Variants in PRDM13 observed in about 807,000 individuals in gnomAD.
The protein encoded by PRDM13 is PR/SET domain 13.
PRDM13 carries 15 observed loss-of-function variants against 36.4 expected under a neutral mutation model. That is an observed-to-expected ratio of 0.41 (90% CI 0.28 to 0.64). The LOEUF is 0.64. PRDM13 is among the 30% of genes least tolerant of loss of function. The pLI, the probability that PRDM13 is intolerant of heterozygous loss-of-function variation, is 0.29. For missense variants in PRDM13, 1,044 were observed against 1,013.5 expected (o/e 1.03, Z -0.41); for synonymous variants, 531 against 467.7 (o/e 1.14, Z -1.75).
chr6:99,613,825 A>G lies in PRDM13; in HGVS notation c.1190A>G (p.Glu397Gly). Reference sequence around the variant, plus strand: ...TTCCCTCTGCTCTCCGTCCCCCCGGAAGAGGCGTCCGCCTTCAAGCACGTG... The same window carrying G: ...TTCCCTCTGCTCTCCGTCCCCCCGGGAGAGGCGTCCGCCTTCAAGCACGTG... ...RGFPLLSVPP[E>G]EASAFKHVER... Residue 397 changes from glutamate (E) to glycine (G), a missense_variant, in exon 4 of 4, where the codon GAA (glutamate) becomes GGA (glycine). Transcript: ENST00000369215. The surrounding 1 kb of genome is among the most constrained non-coding windows in gnomAD (Gnocchi z 6.1). The G allele has an allele frequency of 6.6e-7, 1 of 1,511,196 alleles. No individual in the cohort carries two copies. Among genetic ancestry groups the G allele is most frequent in the Admixed American group, 2.1e-5 (1 of 48,248 alleles). 93.6% of individuals were successfully genotyped at this position (1,511,196 alleles called of 1,614,324 possible). A position where few individuals can be genotyped will look rare whatever the true frequency, so the allele number is the denominator to read the frequency against.
Position 99,613,174 on chromosome 6 carries a change from G to C in PRDM13, c.539G>C (p.Gly180Ala), listed in dbSNP as rs1231750773. 1 of 1,612,796 alleles carries C rather than the reference G, an allele frequency of 6.2e-7. No individual in the cohort carries two copies. Among genetic ancestry groups the C allele is most frequent in the East Asian group, 2.2e-5 (1 of 44,870 alleles). Residue 180 changes from glycine (G) to alanine (A), a missense_variant, in exon 4 of 4, where the codon GGC becomes GCC. Gly to Ala is a moderately conservative substitution (Grantham distance 60). Around this residue, in one of 3 missense-constraint regions of PRDM13, gnomAD observed 921 missense variants for 865.2 expected, o/e 1.06. Coordinates refer to ENST00000369215, the MANE Select transcript of PRDM13 (RefSeq NM_021620.4). The surrounding 1 kb of genome is among the most constrained non-coding windows in gnomAD (Gnocchi z 6.1). Reference protein sequence around the residue: ...FLHHEHAARQGAVPAADGLGL... With the variant: ...FLHHEHAARQAAVPAADGLGL... ...CACCACGAACACGCGGCTCGCCAAG[G>C]CGCCGTCCCAGCGGCTGATGGCCTC...
chr6:99,611,712 A>G (rs1770034277), intron 3 of PRDM13, among the ~76,000 whole-genome samples: 1 of 152,180 alleles, frequency 6.6e-6, no homozygotes. Flanking sequence ...CCCTATTGTT[A>G]TTTCTGTAGT....
At position 99,613,549 on chromosome 6, in the gene PRDM13, C is replaced by T. The variant is rs1374293085; in HGVS notation, c.914C>T (p.Ala305Val). ...FKPAGLARAAAAAHGDPYREE... is the reference protein window; with the variant it reads ...FKPAGLARAAVAAHGDPYREE... ...CCCGCCGGCCTAGCGAGGGCGGCGG[C>T]GGCCGCTCACGGCGACCCCTACCGG... The change falls in exon 4 of 4, where the codon GCG becomes GTG. Residue 305 changes from alanine (A) to valine (V), a missense_variant. Physicochemically the swap from Ala to Val is moderately conservative, Grantham distance 64. Transcript: ENST00000369215. This position sits in a 1 kb window ranked among gnomAD's most constrained non-coding sequence, Gnocchi z 6.1. 1.7e-5 allele frequency: 26 copies of T among 1,495,332 alleles called. No individual in the cohort carries two copies. Among genetic ancestry groups the T allele is most frequent in the Non-Finnish European group, 2.3e-5 (26 of 1,132,952 alleles). 92.6% of individuals were successfully genotyped at this position (1,495,332 alleles called of 1,614,324 possible). A position where few individuals can be genotyped will look rare whatever the true frequency, so the allele number is the denominator to read the frequency against.
In PRDM13 at chr6:99,613,885, G is replaced by A. The variant is rs1172726149; in HGVS notation, c.1250G>A (p.Gly417Glu). The A allele has an allele frequency of 6.5e-7, 1 of 1,548,656 alleles. No homozygotes were observed. Among genetic ancestry groups the A allele is most frequent in the Non-Finnish European group, 8.7e-7 (1 of 1,155,830 alleles). ...CCGCCCGCAGCCGCCGCGCTGCCAG[G>A]AGCGCGTTATGCGCAGCTGCCCCCT... is the stretch of plus-strand genomic sequence containing the variant. ...RAPPAAAALPGARYAQLPPAP... is the reference protein window; with the variant it reads ...RAPPAAAALPEARYAQLPPAP... The change falls in exon 4 of 4, where the codon GGA (glycine) becomes GAA (glutamate). Residue 417 changes from glycine to glutamate, a missense_variant. Physicochemically the swap from Gly to Glu is moderately conservative, Grantham distance 98. Transcript: ENST00000369215. This position sits in a 1 kb window ranked among gnomAD's most constrained non-coding sequence, Gnocchi z 6.1.
chr6:99,614,559 C>T lies in PRDM13; in HGVS notation c.1924C>T (p.Arg642Cys), dbSNP rs909715100. ...GTTCTGCGGCAAGGTACTTGTGCGC[C>T]GCCGGGACCTGGAGCGACATGTCAA... Reference protein sequence around the residue: ...CEFCGKVLVRRRDLERHVKSR... With the variant: ...CEFCGKVLVRCRDLERHVKSR... The change falls in exon 4 of 4, where the codon CGC becomes TGC. Residue 642 changes from arginine to cysteine, a missense_variant. By Grantham distance (180) the Arg-to-Cys change is radical (BLOSUM62 -3). Around this residue, in one of 3 missense-constraint regions of PRDM13, gnomAD observed 115 missense variants for 122.1 expected, o/e 0.94. Coordinates refer to ENST00000369215, the MANE Select transcript of PRDM13 (RefSeq NM_021620.4). The T allele has an allele frequency of 1.2e-6, 2 of 1,612,866 alleles. No individual in the cohort carries two copies. The highest frequency in any genetic ancestry group is 2.2e-5 in the East Asian group (1 of 44,868).
chr6:99,613,770 G>A lies in PRDM13; in HGVS notation c.1135G>A (p.Gly379Ser), dbSNP rs1453034873. 3 of 1,488,178 alleles carry A rather than the reference G, an allele frequency of 2.0e-6. 1 individual carries two copies. Among genetic ancestry groups the A allele is most frequent in the Admixed American group, 2.1e-5 (1 of 46,514 alleles). The allele number at this position is 1,488,178 out of a possible 1,614,324, so 92.2% of individuals were successfully genotyped here. The change falls in exon 4 of 4, where the codon GGC (glycine) becomes AGC (serine). Residue 379 changes from glycine (G) to serine (S), a missense_variant. Around this residue, in one of 3 missense-constraint regions of PRDM13, gnomAD observed 921 missense variants for 865.2 expected, o/e 1.06. Transcript: ENST00000369215. This position sits in a 1 kb window ranked among gnomAD's most constrained non-coding sequence, Gnocchi z 6.1. Reference sequence around the variant, plus strand: ...GGACCCGCCGCCGCCGCCGCCGCCTGGCCTGCCCTGCTCTGGGGCCCTGCG... The same window carrying A: ...GGACCCGCCGCCGCCGCCGCCGCCTAGCCTGCCCTGCTCTGGGGCCCTGCG... ...AGDPPPPPPPGLPCSGALRGF... is the reference protein window; with the variant it reads ...AGDPPPPPPPSLPCSGALRGF...
At chr6:99,608,522 A>C (rs1769985092) in intron 1 of PRDM13, among the ~76,000 whole-genome samples, 1 of 151,960 alleles carries the variant, frequency 6.6e-6, no homozygotes, top group Non-Finnish European at 1.5e-5. Flanking sequence ...GGTGGGGCGC[A>C]GGGAAGTGGG....
rs1770087107 is a variant in PRDM13 at position 99,614,063 on chromosome 6, C to T, written c.1428C>T (p.Thr476=). The part of the protein sequence containing the change: ...NGELLYGSPA[T]TAYYPLKLHF... ...AGCTGCTCTACGGCTCACCGGCCAC[C>T]ACCGCTTATTACCCGCTCAAATTGC... The change falls in exon 4 of 4, where the codon ACC becomes ACT. Residue 476 remains threonine (T), a synonymous_variant. Transcript: ENST00000369215. The T allele has an allele frequency of 1.2e-6, 2 of 1,606,608 alleles. No individual in the cohort carries two copies. The highest frequency in any genetic ancestry group is 3.4e-5 in the Admixed American group (2 of 59,158).
rs1013482600 is a variant in PRDM13, at chr6:99,611,441, C to T, written c.398-1592C>T. 5.3e-5 allele frequency among the ~76,000 whole-genome samples: 8 copies of T among 151,826 alleles called. No individual in the cohort carries two copies. The South Asian group carries it at 6.3e-4, about 12-fold the overall frequency. ...GGAGGTCTATTCTCTCTTTTTTTCA[C>T]GATTCATTTTACATGAATGTTCAGT... On this transcript the variant is annotated intron_variant, in intron 3 of 3. Coordinates refer to ENST00000369215, the MANE Select transcript of PRDM13 (RefSeq NM_021620.4).
In PRDM13 at chr6:99,608,838, C is replaced by T. The variant is rs920187449; in HGVS notation, c.242C>T (p.Thr81Ile). ...IRAARNSQEQ[T>I]LEAIADLPGG... is the part of the protein sequence containing the mutation. Reference sequence around the variant, plus strand: ...GCAGCCAGAAACTCCCAGGAACAGACTCTGGAAGCTATTGCAGACTTACCC... The same window carrying T: ...GCAGCCAGAAACTCCCAGGAACAGATTCTGGAAGCTATTGCAGACTTACCC... The change falls in exon 2 of 4, where the codon ACT becomes ATT. Residue 81 changes from threonine (T) to isoleucine (I), a missense_variant. By Grantham distance (89) the Thr-to-Ile change is moderately conservative. This residue lies in a region of PRDM13 where 921 missense variants were observed against 865.2 expected (regional missense o/e 1.06). Transcript: ENST00000369215. 1 of 1,613,808 alleles carries T rather than the reference C, an allele frequency of 6.2e-7. No individual in the cohort carries two copies. Among genetic ancestry groups the T allele is most frequent in the African/African-American group, 1.3e-5 (1 of 74,858 alleles).
chr6:99,613,892 T>G lies in PRDM13; in HGVS notation c.1257T>G (p.Arg419=). The G allele has an allele frequency of 6.4e-7, 1 of 1,563,484 alleles. No homozygotes were observed. The highest frequency in any genetic ancestry group is 8.6e-7 in the Non-Finnish European group (1 of 1,162,480). ...CAGCCGCCGCGCTGCCAGGAGCGCGTTATGCGCAGCTGCCCCCTGCGCCGG... is the reference window on the plus strand; with the variant it reads ...CAGCCGCCGCGCTGCCAGGAGCGCGGTATGCGCAGCTGCCCCCTGCGCCGG... ...PPAAAALPGA[R]YAQLPPAPGL... The change falls in exon 4 of 4, where the codon CGT becomes CGG. Residue 419 remains arginine, a synonymous_variant. Coordinates refer to ENST00000369215, the MANE Select transcript of PRDM13 (RefSeq NM_021620.4). This position sits in a 1 kb window ranked among gnomAD's most constrained non-coding sequence, Gnocchi z 6.1.
chr6:99,612,526 T>C (rs1055336767), intron 3 of PRDM13, among the ~76,000 whole-genome samples: 1 of 152,152 alleles, frequency 6.6e-6, no homozygotes, highest in Non-Finnish European at 1.5e-5. Flanking sequence ...TGAAAAGGAA[T>C]GATTACATAT....
At position 99,613,458 on chromosome 6, in the gene PRDM13, G is replaced by C. The variant is rs758113976; in HGVS notation, c.823G>C (p.Val275Leu). The change falls in exon 4 of 4, where the codon GTG (valine) becomes CTG (leucine). Residue 275 changes from valine to leucine, a missense_variant. Around this residue, in one of 3 missense-constraint regions of PRDM13, gnomAD observed 921 missense variants for 865.2 expected, o/e 1.06. Coordinates refer to ENST00000369215, the MANE Select transcript of PRDM13 (RefSeq NM_021620.4). The surrounding 1 kb of genome is among the most constrained non-coding windows in gnomAD (Gnocchi z 6.1). ...AGGACAAGGGCACTTCCTCGGCATC[G>C]TGGGCGGCTCCTCGGCGGGGGTCGG... is the stretch of plus-strand genomic sequence containing the variant. ...ARGQGHFLGI[V>L]GGSSAGVGSL... The C allele has an allele frequency of 6.4e-5, 99 of 1,536,980 alleles. No individual in the cohort carries two copies. The Admixed American group carries it at 1.9e-3, about 29-fold the overall frequency.
intron 1 of PRDM13, among the ~76,000 whole-genome samples, 192 bp downstream of exon 1, chr6:99,607,370 A>G (rs1270107627): frequency 3.3e-5 from 5 of 152,092 alleles, no homozygotes; most frequent in Non-Finnish European, 1.5e-5. Flanking sequence ...GGTCGGGCTG[A>G]GAGGAGAGGA....
At chr6:99,607,856 G>C (rs1181101439) in intron 1 of PRDM13, among the ~76,000 whole-genome samples, 1 of 152,200 alleles carries the variant, frequency 6.6e-6, no homozygotes, top group African/African-American at 2.4e-5. Context: ...AGGCCCAACC[G>C]GGAGGCGCCA....
In PRDM13 at chr6:99,613,626, G is replaced by A. The variant is rs2114500255; in HGVS notation, c.991G>A (p.Gly331Ser). The part of the protein sequence containing the change: ...GAGLALGRLL[G>S]GGRACGRPGS... ...CGGCCTCGCTTTGGGCAGGCTGCTG[G>A]GCGGGGGCCGGGCGTGCGGGCGCCC... is the stretch of plus-strand genomic sequence containing the variant. The change falls in exon 4 of 4, where the codon GGC (glycine) becomes AGC (serine). Residue 331 changes from glycine to serine, a missense_variant. By Grantham distance (56) the Gly-to-Ser change is moderately conservative. Transcript: ENST00000369215. This position sits in a 1 kb window ranked among gnomAD's most constrained non-coding sequence, Gnocchi z 6.1. 5 of 1,456,986 alleles carry A rather than the reference G, an allele frequency of 3.4e-6. No homozygotes were observed. The highest frequency in any genetic ancestry group is 4.5e-6 in the Non-Finnish European group (5 of 1,117,204). 90.3% of individuals were successfully genotyped at this position (1,456,986 alleles called of 1,614,324 possible).
Position 99,614,613 on chromosome 6 carries a change from G to T in PRDM13, c.1978G>T (p.Ala660Ser). 6.2e-7 allele frequency: 1 copy of T among 1,612,486 alleles called. No individual in the cohort carries two copies. The highest frequency in any genetic ancestry group is 8.5e-7 in the Non-Finnish European group (1 of 1,179,812). ...CCGCCACCCTGGCCAGAGTCTGCTCGCCAAAGCGGGCGACGGCCCGGGTGC... is the reference window on the plus strand; with the variant it reads ...CCGCCACCCTGGCCAGAGTCTGCTCTCCAAAGCGGGCGACGGCCCGGGTGC... ...KSRHPGQSLL[A>S]KAGDGPGAEP... Residue 660 changes from alanine to serine, a missense_variant, in exon 4 of 4, where the codon GCC becomes TCC. Physicochemically the swap from Ala to Ser is moderately conservative, Grantham distance 99. This residue lies in a region of PRDM13 where 115 missense variants were observed against 122.1 expected (regional missense o/e 0.94). Coordinates refer to ENST00000369215, the MANE Select transcript of PRDM13 (RefSeq NM_021620.4).
intron 3 of PRDM13, among the ~76,000 whole-genome samples, chr6:99,611,537 C>A (rs1770032021): frequency 6.6e-6 from 1 of 152,140 alleles, no homozygotes; most frequent in Non-Finnish European, 1.5e-5. Context: ...GTGTCATAGG[C>A]AAATACTCTT....
At chr6:99,607,689 AT>A (rs997766267) in intron 1 of PRDM13, among the ~76,000 whole-genome samples, 4 of 151,524 alleles carry the variant, frequency 2.6e-5, no homozygotes, top group East Asian at 1.9e-4. Context: ...CTCCTCAGAT[AT>A]TTTTTTTTCC....
Sources: gnomAD v4.1 joint callset for allele counts (sites outside exome capture counted in the v4.1 genomes callset) on GRCh38, gnomAD v4.1.1 for gene constraint, gnomAD v4.1.1 regional missense constraint, Gnocchi (gnomAD v3.1) non-coding constraint, MANE v1.5 for transcripts, NCBI Gene and HGNC (gene_info 2026-07-23, HGNC 2026-07-21) for gene names.